The following ZZEF1 variants were observed in gnomAD, a reference collection of about 807,000 sequenced individuals.
ZZEF1 encodes zinc finger ZZ-type and EF-hand domain containing 1.
ZZEF1 carries 157 observed loss-of-function variants against 342.8 expected under a neutral mutation model. The ratio of observed to expected loss-of-function variants is 0.46; its 90% CI spans 0.40 to 0.52. The LOEUF (loss-of-function observed/expected upper bound fraction) is 0.52, where lower values mean the gene tolerates loss of function less well. Ranked by LOEUF, ZZEF1 falls within the 20% of genes least tolerant of loss-of-function variation. The pLI, the probability that ZZEF1 is intolerant of heterozygous loss-of-function variation, is 0.00. For missense variants in ZZEF1, 3,480 were observed against 3,725.6 expected (o/e 0.93, Z 1.72); for synonymous variants, 1,505 against 1,429.1 (o/e 1.05, Z -1.20).
chr17:4,037,849 T>TG lies in ZZEF1; in HGVS notation c.6307-3558dup, dbSNP rs537882549. ...CCTCCTACTTGGTCTCCCAAAGTGCTGGGATTACAGATTCAAGGCACTGTG... is the reference window on the plus strand; with the variant it reads ...CCTCCTACTTGGTCTCCCAAAGTGCTGGGGATTACAGATTCAAGGCACTGTG... On this transcript the variant is annotated intron_variant, in intron 39 of 54. Transcript: ENST00000381638. Among the ~76,000 whole-genome samples the TG allele has an allele frequency of 2.2e-4, 34 of 152,344 alleles. 1 individual carries two copies. The East Asian group carries it at 4.2e-3, about 19-fold the overall frequency.
chr17:4,028,166 A>G (rs148275580), intron 42 of ZZEF1, among the ~76,000 whole-genome samples: 1 of 152,336 alleles, frequency 6.6e-6, no homozygotes, highest in Non-Finnish European at 1.5e-5. Flanking sequence ...AGAACATTAC[A>G]ACATTTTCCA....
rs940881466 is a variant in ZZEF1, at chr17:4,016,922, T to C, written c.8001+449A>G. The C allele has an allele frequency of 6.3e-5, 12 of 191,568 alleles. No homozygotes were observed. The highest frequency in any genetic ancestry group is 4.0e-4 in the East Asian group (3 of 7,408). 11.9% of individuals were successfully genotyped at this position (191,568 alleles called of 1,614,324 possible). A position where few individuals can be genotyped will look rare whatever the true frequency, so the allele number is the denominator to read the frequency against. Reference sequence around the variant, plus strand: ...GGCTCCCTCTGTCCCTTCCGAAAGATAGATATGCTAGAGCAAGCCTGCCAG... The same window carrying C: ...GGCTCCCTCTGTCCCTTCCGAAAGACAGATATGCTAGAGCAAGCCTGCCAG... On this transcript the variant is annotated intron_variant, in intron 48 of 54. Transcript: ENST00000381638. The surrounding 1 kb of genome is among the most constrained non-coding windows in gnomAD (Gnocchi z 4.4).
chr17:4,023,592 GA>G (rs774852203), intron 43 of ZZEF1, among the ~76,000 whole-genome samples: 2 of 140,472 alleles, frequency 1.4e-5, no homozygotes, highest in Non-Finnish European at 3.0e-5. Flanking sequence ...GGCGGAGGTG[GA>G]AGGATGGCTC....
rs570866642 is a variant in ZZEF1 at position 4,104,140 on chromosome 17, G to T, written c.1573+493C>A. The stretch of plus-strand genomic sequence containing the variant: ...CATATGAATTACTGCTAGGCCCAAG[G>T]GGGGAAAGCAGTGGCAGACAGGTGT... On this transcript the variant is annotated intron_variant, in intron 8 of 54. Transcript: ENST00000381638. Among the ~76,000 whole-genome samples, 67 of 152,248 alleles carry T rather than the reference G, an allele frequency of 4.4e-4. 3 individuals carry two copies. In the South Asian group the frequency reaches 0.014, roughly 31 times the overall value.
Position 4,117,092 on chromosome 17 carries a change from G to A in ZZEF1, c.574C>T (p.Arg192Cys), listed in dbSNP as rs748968021. The change falls in exon 3 of 55, where the codon CGC becomes TGC. Residue 192 changes from arginine to cysteine, a missense_variant. Arg to Cys is a radical substitution (Grantham distance 180, BLOSUM62 -3). Around this residue, in one of 5 missense-constraint regions of ZZEF1, gnomAD observed 416 missense variants for 374.2 expected, o/e 1.11. Transcript: ENST00000381638. ...ATCACCGCGCTGGAGAGCCGATTGC[G>A]GTGCAGGAAGCGCAGTATCATTGAC... ...HSSMILRFLH[R>C]NRLSSAVMPY... 7.4e-6 allele frequency: 12 copies of A among 1,613,986 alleles called. No homozygotes were observed. In the East Asian group the frequency reaches 1.6e-4, roughly 21 times the overall value.
chr17:4,094,713 C>T (rs545319414), intron 11 of ZZEF1, among the ~76,000 whole-genome samples: 3 of 152,268 alleles, frequency 2.0e-5, no homozygotes, highest in South Asian at 4.1e-4. Context: ...GATTCACTGC[C>T]GATGAGGCTT....
intron 2 of ZZEF1, among the ~76,000 whole-genome samples, chr17:4,117,946 A>G (rs1219730991): frequency 1.3e-5 from 2 of 152,160 alleles, no homozygotes; most frequent in Admixed American, 1.3e-4. Context: ...AGGTGCTTCC[A>G]CATACATCAT....
intron 2 of ZZEF1, among the ~76,000 whole-genome samples, chr17:4,122,408 C>T (rs1037508884): frequency 7.9e-5 from 12 of 150,944 alleles, no homozygotes; most frequent in African/African-American, 2.2e-4. Context: ...GACGGAGTTT[C>T]GCTCTTGTTG....
chr17:4,005,053 G>C lies in ZZEF1; in HGVS notation c.*1837C>G, dbSNP rs942146978. On this transcript the variant is annotated 3_prime_UTR_variant, in exon 55 of 55. Transcript: ENST00000381638. Reference sequence around the variant, plus strand: ...ACCGCCCGCTTTACTCGGAGTCTGGGGTGTGGAGGGGCGTGGGTGGCGCTA... The same window carrying C: ...ACCGCCCGCTTTACTCGGAGTCTGGCGTGTGGAGGGGCGTGGGTGGCGCTA... 6.6e-6 allele frequency: 1 copy of C among 152,410 alleles called. No homozygotes were observed. The highest frequency in any genetic ancestry group is 1.5e-5 in the Non-Finnish European group (1 of 68,138). 9.4% of individuals were successfully genotyped at this position (152,410 alleles called of 1,614,324 possible). A position where few individuals can be genotyped will look rare whatever the true frequency, so the allele number is the denominator to read the frequency against.
Position 4,093,181 on chromosome 17 carries a change from G to A in ZZEF1, c.1914-2351C>T, listed in dbSNP as rs145772200. On this transcript the variant is annotated intron_variant, in intron 11 of 54. Coordinates refer to ENST00000381638, the MANE Select transcript of ZZEF1 (RefSeq NM_015113.4). ...TGTAAAAGACCTTGTTTAACAGCAG[G>A]TTTAGGGGAAATGACCCATTTTAAT... Among the ~76,000 whole-genome samples, 193 of 152,260 alleles carry A rather than the reference G, an allele frequency of 1.3e-3. 2 individuals carry two copies. In the East Asian group the frequency reaches 0.031, roughly 25 times the overall value.
intron 9 of ZZEF1, among the ~76,000 whole-genome samples, chr17:4,098,714 G>A (rs749836866): frequency 1.1e-4 from 17 of 152,158 alleles, no homozygotes; most frequent in Non-Finnish European, 1.6e-4. Flanking sequence ...ATTACATGGA[G>A]TTCAAGCCAA....
Position 4,085,784 on chromosome 17 carries a change from T to C in ZZEF1, c.2532A>G (p.Gly844=), listed in dbSNP as rs374407360. The C allele has an allele frequency of 3.9e-5, 63 of 1,614,006 alleles. No homozygotes were observed. The highest frequency in any genetic ancestry group is 5.3e-5 in the Non-Finnish European group (63 of 1,180,016). Residue 844 remains glycine (G), a synonymous_variant, in exon 16 of 55, where the codon GGA becomes GGG. Coordinates refer to ENST00000381638, the MANE Select transcript of ZZEF1 (RefSeq NM_015113.4). The stretch of plus-strand genomic sequence containing the variant: ...TTAGTATCTCCATGGGCACAGAGTC[T>C]CCATCCACCTTGTCCACCACTGATA... The part of the protein sequence containing the change: ...HLCDVVDKVD[G]DSVPMEILKQ...
chr17:4,028,420 T>C (rs553839966), intron 42 of ZZEF1, among the ~76,000 whole-genome samples: 1 of 152,036 alleles, frequency 6.6e-6, no homozygotes, highest in Admixed American at 6.6e-5. Context: ...TAGTGGCAGA[T>C]GCCTGTAATC....
At chr17:4,101,228 G>A (rs1597893237) in intron 9 of ZZEF1, among the ~76,000 whole-genome samples, 1 of 152,308 alleles carries the variant, frequency 6.6e-6, no homozygotes, top group East Asian at 1.9e-4. Context: ...TGGACTCCAT[G>A]AGTGCTGAGA....
chr17:4,086,721 A>G, intron 14 of ZZEF1, 66 bp from the exon 15 acceptor site: 2 of 1,552,900 alleles, frequency 1.3e-6, no homozygotes, highest in South Asian at 2.3e-5. Context: ...AAAGCCATAT[A>G]GCTGTCTACA....
chr17:4,088,195 T>C (rs908767473), intron 13 of ZZEF1, among the ~76,000 whole-genome samples: 5 of 152,050 alleles, frequency 3.3e-5, no homozygotes, highest in African/African-American at 1.2e-4. Context: ...TTTGAGTGAG[T>C]TGTCACTGTG....
At chr17:4,064,066 G>GA (rs1359076093) in intron 29 of ZZEF1, among the ~76,000 whole-genome samples, 1 of 150,986 alleles carries the variant, frequency 6.6e-6, no homozygotes, top group Non-Finnish European at 1.5e-5. Flanking sequence ...TAGATGGAGG[G>GA]GGGGGGGTCT....
intron 34 of ZZEF1, 39 bp downstream of exon 34, chr17:4,054,018 T>A (rs778176715): frequency 1.3e-6 from 2 of 1,569,756 alleles, no homozygotes; most frequent in Admixed American, 3.7e-5. Context: ...AGAAGTGATA[T>A]TGCCTTTGGA....
chr17:4,025,681 CAA>C (rs11345281), intron 42 of ZZEF1, among the ~76,000 whole-genome samples: 107 of 127,296 alleles, frequency 8.4e-4, no homozygotes, highest in African/African-American at 1.3e-3. Flanking sequence ...GACTCCGTCT[CAA>C]AAAAAAAAAA....
Sources: allele counts gnomAD v4.1 joint callset (sites outside exome capture counted in the v4.1 genomes callset), GRCh38; gene constraint gnomAD v4.1.1; regional missense constraint gnomAD v4.1.1; non-coding constraint Gnocchi (gnomAD v3.1); transcripts MANE v1.5; gene names NCBI Gene and HGNC (gene_info 2026-07-23, HGNC 2026-07-21).